The following ZNF410 variants were observed in gnomAD, a reference collection of about 807,000 sequenced individuals.
ZNF410 encodes the protein another partner for ARF 1.
A neutral mutation model predicts 54.8 loss-of-function variants in ZNF410; 18 were observed. The ratio of observed to expected loss-of-function variants is 0.33; its 90% CI spans 0.23 to 0.49. The LOEUF is 0.49. Among genes scored for constraint, ZNF410 ranks in the 20% least tolerant of loss-of-function variants. ZNF410 has a pLI of 0.99. For synonymous variants in ZNF410, 191 were observed against 207.3 expected (o/e 0.92, Z 0.68); for missense variants, 405 against 569.6 (o/e 0.71, Z 2.94).
chr14:73,911,382 T>C (rs115900208), intron 8 of ZNF410, among the ~76,000 whole-genome samples: 1 of 152,130 alleles, frequency 6.6e-6, no homozygotes, highest in Non-Finnish European at 1.5e-5. Flanking sequence ...AAGTTACTTA[T>C]GAGGAAAGCA....
At chr14:73,894,533 TCTC>T (rs2055282858) in intron 3 of ZNF410, 1 of 650,504 alleles carries the variant, frequency 1.5e-6, no homozygotes, top group Non-Finnish European at 2.8e-6. Flanking sequence ...TTCAAGCTAT[TCTC>T]CTGCCTCAGC....
intron 8 of ZNF410, among the ~76,000 whole-genome samples, chr14:73,919,895 T>TTC: frequency 6.8e-6 from 1 of 146,306 alleles, no homozygotes; most frequent in African/African-American, 2.5e-5. Context: ...GGTTTTTTTT[T>TTC]TTTTTTTTTT....
chr14:73,895,182 G>A (rs748618382), intron 3 of ZNF410: 1 of 152,058 alleles, frequency 6.6e-6, no homozygotes, highest in Admixed American at 6.6e-5. Context: ...AAAAATATAT[G>A]TATAAACAAA....
rs113649047 is a variant in ZNF410, at chr14:73,930,671, T to C, written c.1399-832T>C. Among the ~76,000 whole-genome samples, 590 of 152,232 alleles carry C rather than the reference T, an allele frequency of 3.9e-3. 4 individuals carry two copies. The highest frequency in any genetic ancestry group is 0.014 in the African/African-American group (566 of 41,548). On this transcript the variant is annotated intron_variant, in intron 11 of 11. Coordinates refer to ENST00000555044, the MANE Select transcript of ZNF410 (RefSeq NM_021188.3). ...GGAGTGCAGTGCAGTGGCATGATCATAGCTCACTGCACCCTTGAACTCCTG... is the reference window on the plus strand; with the variant it reads ...GGAGTGCAGTGCAGTGGCATGATCACAGCTCACTGCACCCTTGAACTCCTG...
chr14:73,921,652 A>AT (rs1187305416), intron 9 of ZNF410, among the ~76,000 whole-genome samples: 1 of 151,986 alleles, frequency 6.6e-6, no homozygotes, highest in Admixed American at 6.6e-5. Context: ...TGATTTTTAT[A>AT]TTTTTGTAGA....
intron 5 of ZNF410, among the ~76,000 whole-genome samples, chr14:73,899,480 ATT>A (rs2055373270): frequency 6.6e-6 from 1 of 152,182 alleles, no homozygotes; most frequent in African/African-American, 2.4e-5. Context: ...AGAATGGTTC[ATT>A]TTAACATTTT....
chr14:73,913,828 T>A (rs1328038500), intron 8 of ZNF410: 2 of 152,214 alleles, frequency 1.3e-5, no homozygotes, highest in Non-Finnish European at 2.9e-5. Flanking sequence ...TTGCCTGGGC[T>A]CGTCCTGAAC....
At chr14:73,905,313 A>G in intron 7 of ZNF410, 1 of 424,004 alleles carries the variant, frequency 2.4e-6, no homozygotes, top group Non-Finnish European at 4.1e-6. Context: ...TCAGGAGCCT[A>G]ACCTGCAGGG....
At chr14:73,908,214 C>A (rs1279796304) in intron 7 of ZNF410, among the ~76,000 whole-genome samples, 2 of 152,152 alleles carry the variant, frequency 1.3e-5, no homozygotes, top group Non-Finnish European at 2.9e-5. Context: ...GTGAAATAAC[C>A]ATCCTCTCAA....
At chr14:73,929,821 A>AG (rs1157617569) in intron 11 of ZNF410, among the ~76,000 whole-genome samples, 1 of 152,078 alleles carries the variant, frequency 6.6e-6, no homozygotes, top group Non-Finnish European at 1.5e-5. Context: ...TTTAAAAAAA[A>AG]AAAAGAAGAA....
At chr14:73,892,673 G>A (rs951557079) in intron 2 of ZNF410, among the ~76,000 whole-genome samples, 1 of 152,088 alleles carries the variant, frequency 6.6e-6, no homozygotes, top group African/African-American at 2.4e-5. Context: ...GTTGCAGAGT[G>A]GTCACTGAAT....
intron 8 of ZNF410, among the ~76,000 whole-genome samples, chr14:73,917,702 A>G (rs1203421716): frequency 6.6e-6 from 1 of 152,112 alleles, no homozygotes. Flanking sequence ...ATGTGCCTGT[A>G]ATCCCAACTA....
rs750747095 is a variant in ZNF410, at chr14:73,892,151, G to A, written c.-25G>A. Reference sequence around the variant, plus strand: ...TAAATTTGAACTTGTCCCCTGAATAGCTACAGGTTTTGGAAGCTGAATCAA... The same window carrying A: ...TAAATTTGAACTTGTCCCCTGAATAACTACAGGTTTTGGAAGCTGAATCAA... On this transcript the variant is annotated 5_prime_UTR_variant, in exon 2 of 12. Coordinates refer to ENST00000555044, the MANE Select transcript of ZNF410 (RefSeq NM_021188.3). The A allele has an allele frequency of 4.3e-6, 7 of 1,613,684 alleles. No individual in the cohort carries two copies. Among genetic ancestry groups the A allele is most frequent in the Admixed American group, 3.3e-5 (2 of 60,006 alleles).
At position 73,920,973 on chromosome 14, in the gene ZNF410, G is replaced by A. The variant is rs2055746640; in HGVS notation, c.1004-7G>A. On this transcript the variant is annotated splice_polypyrimidine_tract_variant and splice_region_variant and intron_variant, in intron 8 of 11. Coordinates refer to ENST00000555044, the MANE Select transcript of ZNF410 (RefSeq NM_021188.3). ...GGCTTCCTTGTTTAACCTGGTCCCT[G>A]TTTCAGGAGAGAAGCCTCATCAGTG... 6.2e-7 allele frequency: 1 copy of A among 1,613,918 alleles called. No individual in the cohort carries two copies. The highest frequency in any genetic ancestry group is 8.5e-7 in the Non-Finnish European group (1 of 1,179,896).
chr14:73,915,016 A>C (rs1226810198), intron 8 of ZNF410: 4 of 150,528 alleles, frequency 2.7e-5, no homozygotes, highest in African/African-American at 7.3e-5. Context: ...CAATCCCAGC[A>C]CTTTGGGAGG....
intron 8 of ZNF410, chr14:73,909,669 G>A (rs1566659442): frequency 1.8e-5 from 7 of 398,852 alleles, no homozygotes; most frequent in Non-Finnish European, 3.2e-5. Flanking sequence ...CTTTTGAAGA[G>A]ATCAGCAAAT....
Position 73,932,055 on chromosome 14 carries a change from T to C in ZNF410, c.*514T>C, listed in dbSNP as rs1445782202. ...CTTTAGCAACCTGAGTAAGAGACTC[T>C]CTGCCACTGGGCTGCAAAAAAATAA... On this transcript the variant is annotated 3_prime_UTR_variant, in exon 12 of 12. Coordinates refer to ENST00000555044, the MANE Select transcript of ZNF410 (RefSeq NM_021188.3). 2.2e-6 allele frequency: 1 copy of C among 455,930 alleles called. No homozygotes were observed. The highest frequency in any genetic ancestry group is 2.0e-5 in the African/African-American group (1 of 50,068). The allele number at this position is 455,930 out of a possible 1,614,324, so 28.2% of individuals were successfully genotyped here.
At position 73,922,224 on chromosome 14, in the gene ZNF410, C is replaced by T. The variant is rs939591717; in HGVS notation, c.1270+18C>T. The stretch of plus-strand genomic sequence containing the variant: ...TGATGATGGTAAGACTTCCAACTCT[C>T]CTTTATTTGGGAAAAATGGGCTGCA... On this transcript the variant is annotated intron_variant, in intron 10 of 11. Transcript: ENST00000555044. 6 of 1,608,730 alleles carry T rather than the reference C, an allele frequency of 3.7e-6. No individual in the cohort carries two copies. In the African/African-American group the frequency reaches 8.0e-5, roughly 22 times the overall value.
At chr14:73,906,770 C>T (rs537517097) in intron 7 of ZNF410, among the ~76,000 whole-genome samples, 5 of 152,212 alleles carry the variant, frequency 3.3e-5, no homozygotes, top group African/African-American at 1.2e-4. Flanking sequence ...TGAACCACCA[C>T]GCCCAGACTT....
Sources: gnomAD v4.1 joint callset for allele counts (sites outside exome capture counted in the v4.1 genomes callset) on GRCh38, gnomAD v4.1.1 for gene constraint, MANE v1.5 for transcripts, NCBI Gene and HGNC (gene_info 2026-07-23, HGNC 2026-07-21) for gene names.